The following DLC1 variants were observed in gnomAD, a reference collection of about 807,000 sequenced individuals.
DLC1 encodes the protein rho GTPase-activating protein 7.
DLC1 carries 54 observed loss-of-function variants against 140.3 expected under a neutral mutation model. The ratio of observed to expected loss-of-function variants is 0.38; its 90% CI spans 0.31 to 0.48. The LOEUF (loss-of-function observed/expected upper bound fraction) is 0.48. Among genes scored for constraint, DLC1 ranks in the 20% least tolerant of loss-of-function variants. The pLI is 0.96. For missense variants in DLC1, 2,536 were observed against 1,907.0 expected, an observed-to-expected ratio of 1.33 and a Z score of -6.14; for synonymous variants, 986 against 728.1, an observed-to-expected ratio of 1.35 and a Z score of -5.70.
At chr8:13,506,999 A>C (rs1050401702) in intron 1 of DLC1, among the ~76,000 whole-genome samples, 1 of 152,122 alleles carries the variant, frequency 6.6e-6, no homozygotes, top group African/African-American at 2.4e-5. Context: ...ACACTTACTG[A>C]ATTGAATTAG....
At chr8:13,152,931 T>C (rs1457487843) in intron 5 of DLC1, among the ~76,000 whole-genome samples, 1 of 152,168 alleles carries the variant, frequency 6.6e-6, no homozygotes, top group Non-Finnish European at 1.5e-5. Flanking sequence ...AGTTTATGAC[T>C]TAATGAAACT....
At chr8:13,161,530 A>G (rs769299993) in intron 5 of DLC1, among the ~76,000 whole-genome samples, 3 of 152,082 alleles carry the variant, frequency 2.0e-5, no homozygotes, top group Non-Finnish European at 4.4e-5. Context: ...TGGTTGAGAC[A>G]GGTCTTGCTT....
chr8:13,415,456 G>A (rs1838011503), intron 2 of DLC1, among the ~76,000 whole-genome samples: 1 of 149,084 alleles, frequency 6.7e-6, no homozygotes, highest in Non-Finnish European at 1.5e-5. Flanking sequence ...CTGGAGTGTA[G>A]TAGCGCGACC....
intron 1 of DLC1, among the ~76,000 whole-genome samples, chr8:13,596,324 A>T (rs1443566883): frequency 2.0e-5 from 3 of 151,968 alleles, no homozygotes; most frequent in African/African-American, 7.2e-5. Flanking sequence ...AAGGAGGGAA[A>T]AGTAGCTTTT....
chr8:13,182,994 T>G (rs1027320240), intron 5 of DLC1, among the ~76,000 whole-genome samples: 2 of 152,224 alleles, frequency 1.3e-5, no homozygotes, highest in African/African-American at 4.8e-5. Flanking sequence ...TTTTATTTCG[T>G]TGAGCAGTGG....
At chr8:13,323,685 T>C (rs1833221245) in intron 4 of DLC1, among the ~76,000 whole-genome samples, 1 of 152,200 alleles carries the variant, frequency 6.6e-6, no homozygotes, top group Non-Finnish European at 1.5e-5. Context: ...TAGTCAGGCA[T>C]ATGGTATTCG....
At chr8:13,587,111 T>C (rs1049847187) in intron 1 of DLC1, among the ~76,000 whole-genome samples, 4 of 113,916 alleles carry the variant, frequency 3.5e-5, no homozygotes, top group African/African-American at 1.4e-4. Flanking sequence ...CACACATTCA[T>C]GCATGCGCCT....
chr8:13,143,987 A>C (rs1304964392), intron 5 of DLC1, among the ~76,000 whole-genome samples: 2 of 152,078 alleles, frequency 1.3e-5, no homozygotes, highest in African/African-American at 4.8e-5. Context: ...GGCCGGAGAG[A>C]CCCTGTGATG....
At chr8:13,173,595 C>T (rs779174419) in intron 5 of DLC1, among the ~76,000 whole-genome samples, 4 of 152,184 alleles carry the variant, frequency 2.6e-5, no homozygotes, top group Non-Finnish European at 5.9e-5. Flanking sequence ...TGGCCTCGAT[C>T]TCCTGACCTC....
chr8:13,248,072 C>T (rs1829839452), intron 5 of DLC1, among the ~76,000 whole-genome samples: 1 of 152,186 alleles, frequency 6.6e-6, no homozygotes, highest in African/African-American at 2.4e-5. Flanking sequence ...AAAGCAGGCA[C>T]CTGGTTAGTC....
chr8:13,114,937 A>G (rs1161655345), intron 6 of DLC1, among the ~76,000 whole-genome samples: 2 of 152,214 alleles, frequency 1.3e-5, no homozygotes, highest in Admixed American at 6.5e-5. Flanking sequence ...AAAATTGAAC[A>G]TACATATTCT....
intron 1 of DLC1, among the ~76,000 whole-genome samples, chr8:13,554,430 T>C (rs1803971803): frequency 6.6e-6 from 1 of 152,204 alleles, no homozygotes; most frequent in African/African-American, 2.4e-5. Flanking sequence ...GTCAGACTTA[T>C]GTACTGAAAT....
At chr8:13,516,771 C>G (rs1381037547), upstream of DLC1, among the ~76,000 whole-genome samples, 1 of 152,156 alleles carries the variant, frequency 6.6e-6, no homozygotes, top group African/African-American at 2.4e-5. Context: ...CAAAGTGTTT[C>G]TACTGACAGT....
chr8:13,566,952 C>T (rs1201805774), intron 1 of DLC1: 2 of 1,500,044 alleles, frequency 1.3e-6, no homozygotes. Context: ...CAGTCTTAAC[C>T]TGGGCAAAGG....
chr8:13,372,963 G>A (rs771753798), intron 4 of DLC1, among the ~76,000 whole-genome samples: 1 of 152,164 alleles, frequency 6.6e-6, no homozygotes, highest in Non-Finnish European at 1.5e-5. Context: ...CAGCTAGGAA[G>A]TAGCTACAGG....
intron 2 of DLC1, among the ~76,000 whole-genome samples, chr8:13,430,372 A>T (rs537372596): frequency 1.3e-5 from 2 of 152,354 alleles, no homozygotes; most frequent in African/African-American, 4.8e-5. Flanking sequence ...TACGAGAAGT[A>T]AATATGTGAT....
intron 1 of DLC1, among the ~76,000 whole-genome samples, chr8:13,580,180 T>C (rs6530644): frequency 0.28 from 43,148 of 151,542 alleles, 6,768 homozygotes; most frequent in African/African-American, 0.43. Context: ...TGGAGTGCAG[T>C]GGCGCAATCT....
rs7829858 is a variant in DLC1 at position 13,385,076 on chromosome 8, G to A, written c.1314+8477C>T. 4.9e-3 allele frequency among the ~76,000 whole-genome samples: 747 copies of A among 152,256 alleles called. 6 individuals are homozygous for A. Among genetic ancestry groups the A allele is most frequent in the African/African-American group, 0.017 (686 of 41,536 alleles). ...AGTCAGCTTGGCTGGGACAGGCAGA[G>A]GACGGCAGTTTTGGGGGTGCCCTAG... On this transcript the variant is annotated intron_variant, in intron 4 of 17. Coordinates refer to ENST00000276297, the MANE Select transcript of DLC1 (RefSeq NM_182643.3).
chr8:13,578,736 G>A (rs996079184), intron 1 of DLC1, among the ~76,000 whole-genome samples: 2 of 152,080 alleles, frequency 1.3e-5, no homozygotes, highest in South Asian at 2.1e-4. Flanking sequence ...GGCAAGGTGT[G>A]GGGGAAGGAG....
Sources: gnomAD v4.1 joint callset for allele counts (sites outside exome capture counted in the v4.1 genomes callset) on GRCh38, gnomAD v4.1.1 for gene constraint, MANE v1.5 for transcripts, NCBI Gene and HGNC (gene_info 2026-07-23, HGNC 2026-07-21) for gene names.